GLYAT: variants seen among roughly 807,000 people sequenced by gnomAD.
The protein encoded by GLYAT is glycine-N-acyltransferase.
In GLYAT, 25 loss-of-function variants were observed where a neutral mutation model predicts 22.8. That is an observed-to-expected ratio of 1.09 (90% CI 0.80 to 1.53). The LOEUF is 1.53. Among genes scored for constraint, GLYAT ranks in the 40% most tolerant of loss-of-function variants. The probability of loss-of-function intolerance (pLI) is 0.00; values close to 1 mark genes in which losing one functional copy is unlikely to be tolerated. For missense variants in GLYAT, 411 were observed against 353.9 expected, an observed-to-expected ratio of 1.16 and a Z score of -1.29; for synonymous variants, 140 against 122.7, an observed-to-expected ratio of 1.14 and a Z score of -0.93.
At chr11:58,720,712 A>C (rs1938700) in intron 2 of GLYAT, among the ~76,000 whole-genome samples, 147,684 of 152,096 alleles carry the variant, frequency 0.97, 71,814 homozygotes, top group African/African-American at 0.99. Context: ...ATATCAATGC[A>C]TTATTTATTA....
intron 3 of GLYAT, among the ~76,000 whole-genome samples, chr11:58,714,030 A>T (rs957295886): frequency 1.3e-5 from 2 of 152,108 alleles, no homozygotes; most frequent in African/African-American, 4.8e-5. Flanking sequence ...TTGAACCTGG[A>T]GGACATTATA....
In GLYAT at chr11:58,712,895, A is replaced by C; in HGVS notation, c.190-9T>G. The C allele has an allele frequency of 1.9e-6, 3 of 1,568,324 alleles. No individual in the cohort carries two copies. The highest frequency in any genetic ancestry group is 2.6e-6 in the Non-Finnish European group (3 of 1,143,530). On this transcript the variant is annotated splice_polypyrimidine_tract_variant and intron_variant, in intron 3 of 5. Coordinates refer to ENST00000344743, the MANE Select transcript of GLYAT (RefSeq NM_201648.3). ...AGGTCATCTGTCATATCCTGTTATC[A>C]TTAGGAAAAAGGAAATAAAACACAT...
intron 1 of GLYAT, among the ~76,000 whole-genome samples, chr11:58,729,973 A>T (rs933510560): frequency 1.3e-5 from 2 of 152,132 alleles, no homozygotes; most frequent in African/African-American, 4.8e-5. Flanking sequence ...GTACTTACAA[A>T]CTAACAAAGA....
chr11:58,721,547 A>T (rs1451575294), intron 2 of GLYAT, among the ~76,000 whole-genome samples: 1 of 152,080 alleles, frequency 6.6e-6, no homozygotes, highest in Admixed American at 6.6e-5. Context: ...AAATAAAAAC[A>T]TGAAGGCCTT....
Position 58,724,524 on chromosome 11 carries a change from C to T in GLYAT, c.-15-13G>A, listed in dbSNP as rs773809209. Reference sequence around the variant, plus strand: ...AGGATACCTTAGCCTAGAAAGACAACCAAGGAACATACAGGATTGAGAAAA... The same window carrying T: ...AGGATACCTTAGCCTAGAAAGACAATCAAGGAACATACAGGATTGAGAAAA... On this transcript the variant is annotated splice_polypyrimidine_tract_variant and intron_variant, in intron 1 of 5. Coordinates refer to ENST00000344743, the MANE Select transcript of GLYAT (RefSeq NM_201648.3). 9 of 1,413,456 alleles carry T rather than the reference C, an allele frequency of 6.4e-6. No homozygotes were observed. In the African/African-American group the frequency reaches 9.9e-5, roughly 16 times the overall value. 87.6% of individuals were successfully genotyped at this position (1,413,456 alleles called of 1,614,324 possible). A position where few individuals can be genotyped will look rare whatever the true frequency, so the allele number is the denominator to read the frequency against.
In GLYAT at chr11:58,710,063, C is replaced by A; in HGVS notation, c.594G>T (p.Glu198Asp). The A allele has an allele frequency of 6.2e-7, 1 of 1,614,042 alleles. No homozygotes were observed. Among genetic ancestry groups the A allele is most frequent in the Non-Finnish European group, 8.5e-7 (1 of 1,179,918 alleles). ...GGNERSQRFI[E>D]RCIQTFPTCC... ...AGGTGGGAAAGGTCTGAATGCAGCG[C>A]TCAATGAATCTCTGGCTCCTCTCAT... Residue 198 changes from glutamate to aspartate, a missense_variant, in exon 6 of 6, where the codon GAG becomes GAT. Glu to Asp is a conservative substitution (Grantham distance 45). Transcript: ENST00000344743.
chr11:58,710,222 G>T, intron 5 of GLYAT, 54 bp from the exon 6 acceptor site: 4 of 1,543,556 alleles, frequency 2.6e-6, no homozygotes, highest in East Asian at 2.3e-5. Flanking sequence ...GTTTGTATTT[G>T]CTGTGACCTC....
In GLYAT at chr11:58,710,775, TAAAC is replaced by T; in HGVS notation, c.317-18_317-15del. On this transcript the variant is annotated splice_polypyrimidine_tract_variant and intron_variant, in intron 4 of 5. Transcript: ENST00000344743. ...TAGGCTGTGAACCTAGACGGTATAA[TAAAC>T]AGAGATGAAATGGTTTAGGTATATT... The T allele has an allele frequency of 6.9e-7, 1 of 1,444,312 alleles. No individual in the cohort carries two copies. The highest frequency in any genetic ancestry group is 9.8e-7 in the Non-Finnish European group (1 of 1,025,394). The allele number at this position is 1,444,312 out of a possible 1,614,324, so 89.5% of individuals were successfully genotyped here. A position where few individuals can be genotyped will look rare whatever the true frequency, so the allele number is the denominator to read the frequency against.
chr11:58,717,116 G>A (rs1386934683), intron 2 of GLYAT, among the ~76,000 whole-genome samples: 1 of 151,902 alleles, frequency 6.6e-6, no homozygotes. Context: ...TTTTCTTTAG[G>A]GATTTGGGGG....
At chr11:58,721,130 A>G (rs948195491) in intron 2 of GLYAT, among the ~76,000 whole-genome samples, 3 of 151,946 alleles carry the variant, frequency 2.0e-5, no homozygotes, top group African/African-American at 7.2e-5. Context: ...TACATTTTAT[A>G]GATTTATAAA....
At chr11:58,713,754 T>C (rs761977661) in intron 3 of GLYAT, among the ~76,000 whole-genome samples, 2 of 152,130 alleles carry the variant, frequency 1.3e-5, no homozygotes, top group African/African-American at 2.4e-5. Flanking sequence ...TGGAAAATGT[T>C]GCACAAAAAA....
chr11:58,710,036 G>A lies in GLYAT; in HGVS notation c.621C>T (p.Cys207=), dbSNP rs535306848. ...GGGTCCCCTCAGGCCCCAGGAGACAGCAGGTGGGAAAGGTCTGAATGCAGC... is the reference window on the plus strand; with the variant it reads ...GGGTCCCCTCAGGCCCCAGGAGACAACAGGTGGGAAAGGTCTGAATGCAGC... ...IERCIQTFPT[C]CLLGPEGTPV... is the part of the protein sequence containing the mutation. The change falls in exon 6 of 6, where the codon TGC becomes TGT. Residue 207 remains cysteine, a synonymous_variant. Coordinates refer to ENST00000344743, the MANE Select transcript of GLYAT (RefSeq NM_201648.3). 6.5e-4 allele frequency: 1,050 copies of A among 1,614,118 alleles called. 13 individuals are homozygous for A. In the South Asian group the frequency reaches 0.011, roughly 17 times the overall value.
intron 2 of GLYAT, among the ~76,000 whole-genome samples, chr11:58,719,304 T>C (rs1379650697): frequency 6.6e-6 from 1 of 151,958 alleles, no homozygotes; most frequent in African/African-American, 2.4e-5. Flanking sequence ...AAAAACAGCA[T>C]GAAGCTAATT....
At chr11:58,719,844 G>C (rs1372492332) in intron 2 of GLYAT, among the ~76,000 whole-genome samples, 1 of 151,842 alleles carries the variant, frequency 6.6e-6, no homozygotes, top group Non-Finnish European at 1.5e-5. Flanking sequence ...TTTTTTCTAA[G>C]CAAATGAAAA....
At chr11:58,719,615 G>T (rs987099954) in intron 2 of GLYAT, among the ~76,000 whole-genome samples, 5 of 151,880 alleles carry the variant, frequency 3.3e-5, no homozygotes, top group South Asian at 2.1e-4. Context: ...TTAATTTATT[G>T]CCCTGTGTCT....
intron 4 of GLYAT, 42 bp downstream of exon 4, chr11:58,712,718 A>G: frequency 6.3e-7 from 1 of 1,591,608 alleles, no homozygotes; most frequent in African/African-American, 1.3e-5. Flanking sequence ...CTTGCTCAGG[A>G]CACATAAGTG....
At chr11:58,715,529 T>A in intron 2 of GLYAT, 106 bp from the exon 3 acceptor site, 5 of 631,246 alleles carry the variant, frequency 7.9e-6, no homozygotes, top group Non-Finnish European at 1.4e-5. Flanking sequence ...TGACATTTTA[T>A]GATACAAAGT....
In GLYAT at chr11:58,729,329, C is replaced by T. The variant is rs549432399; in HGVS notation, c.-16+2506G>A. 5.3e-5 allele frequency among the ~76,000 whole-genome samples: 8 copies of T among 152,292 alleles called. No individual in the cohort carries two copies. The East Asian group carries it at 1.5e-3, about 29-fold the overall frequency. ...CTCTTACGTCCGTCTGAATAAGTCA[C>T]TCCCTTTTCTGTGCTCTCATAAGTG... On this transcript the variant is annotated intron_variant, in intron 1 of 5. Transcript: ENST00000344743.
chr11:58,714,992 A>AT (rs368043803), intron 3 of GLYAT, among the ~76,000 whole-genome samples: 194 of 151,974 alleles, frequency 1.3e-3, no homozygotes, highest in South Asian at 5.2e-3. Flanking sequence ...ACAAAAGCAT[A>AT]TTTTTCCTAC....
Sources: gnomAD v4.1 joint callset for allele counts (sites outside exome capture counted in the v4.1 genomes callset) on GRCh38, gnomAD v4.1.1 for gene constraint, MANE v1.5 for transcripts, NCBI Gene and HGNC (gene_info 2026-07-23, HGNC 2026-07-21) for gene names.